Variants in SLC4A2 observed in about 807,000 individuals in gnomAD.
SLC4A2 encodes the protein solute carrier family 4 member 2.
A neutral mutation model predicts 115.0 loss-of-function variants in SLC4A2; 36 were observed. That is an observed-to-expected ratio of 0.31 (90% CI 0.24 to 0.41). The LOEUF is 0.41. Ranked by LOEUF, SLC4A2 falls within the 10% of genes least tolerant of loss-of-function variation. The pLI, the probability that SLC4A2 is intolerant of heterozygous loss-of-function variation, is 1.00. For missense variants in SLC4A2, 1,252 were observed against 1,705.6 expected (o/e 0.73, Z 4.68); for synonymous variants, 708 against 708.3 (o/e 1.00, Z 0.01).
rs775100452 is a variant in SLC4A2, at chr7:151,064,319, C to T, written c.169C>T (p.Arg57Cys). The change falls in exon 3 of 23, where the codon CGT becomes TGT. Residue 57 changes from arginine (R) to cysteine (C), a missense_variant. Around this residue, in one of 14 missense-constraint regions of SLC4A2, gnomAD observed 74 missense variants for 85.3 expected, o/e 0.87. Coordinates refer to ENST00000413384, the MANE Select transcript of SLC4A2 (RefSeq NM_003040.4). ...FEEILQEAGSRGGEEPGRSYG... is the reference protein window; with the variant it reads ...FEEILQEAGSCGGEEPGRSYG... The stretch of plus-strand genomic sequence containing the variant: ...GGAGATCCTACAGGAGGCCGGGTCT[C>T]GTGGAGGGGAGGAGCCAGGCCGCAG... The T allele has an allele frequency of 4.1e-5, 58 of 1,419,974 alleles. No homozygotes were observed. Among genetic ancestry groups the T allele is most frequent in the Admixed American group, 1.6e-4 (8 of 50,980 alleles). 88.0% of individuals were successfully genotyped at this position (1,419,974 alleles called of 1,614,324 possible).
In SLC4A2 at chr7:151,066,763, T is replaced by A; in HGVS notation, c.823+2T>A. 6.4e-7 allele frequency: 1 copy of A among 1,573,460 alleles called. No individual in the cohort carries two copies. Among genetic ancestry groups the A allele is most frequent in the Admixed American group, 1.9e-5 (1 of 53,860 alleles). On this transcript the variant is annotated splice_donor_variant, in intron 6 of 22. Coordinates refer to ENST00000413384, the MANE Select transcript of SLC4A2 (RefSeq NM_003040.4). LOFTEE classifies it high-confidence loss of function. ...CGGCCGACCTAGACCTCATGAAGAG[T>A]AAGTGCTGGGCCTTGGCCAAGCCCG... is the stretch of plus-strand genomic sequence containing the variant.
chr7:151,070,981 T>C, intron 12 of SLC4A2, 70 bp downstream of exon 12: 1 of 1,592,344 alleles, frequency 6.3e-7, no homozygotes, highest in Admixed American at 1.7e-5. Context: ...TCCCCATGAC[T>C]GCCTCCCACC....
chr7:151,061,387 C>T (rs376572106), intron 1 of SLC4A2: 2 of 152,488 alleles, frequency 1.3e-5, no homozygotes, highest in Non-Finnish European at 2.9e-5. Flanking sequence ...GGGGCACCCC[C>T]TCCCTGCAGG....
chr7:151,070,446 G>T lies in SLC4A2; in HGVS notation c.1450-11G>T. 1 of 1,611,454 alleles carries T rather than the reference G, an allele frequency of 6.2e-7. No individual in the cohort carries two copies. Among genetic ancestry groups the T allele is most frequent in the South Asian group, 1.1e-5 (1 of 90,892 alleles). On this transcript the variant is annotated splice_polypyrimidine_tract_variant and intron_variant, in intron 10 of 22. Coordinates refer to ENST00000413384, the MANE Select transcript of SLC4A2 (RefSeq NM_003040.4). ...GGCCTGGCTGGGCTGAGCCCTGTCT[G>T]TGTCCCCCAGCGTGAGCTGCCGCCT...
chr7:151,061,699 T>C, intron 1 of SLC4A2: 3 of 451,582 alleles, frequency 6.6e-6, no homozygotes, highest in Admixed American at 7.0e-5. Flanking sequence ...CTCCTCCCTC[T>C]ACTCAGCCTC....
In SLC4A2 at chr7:151,068,065, T is replaced by C; in HGVS notation, c.1147+11T>C. The C allele has an allele frequency of 6.9e-7, 1 of 1,458,274 alleles. No individual in the cohort carries two copies. Among genetic ancestry groups the C allele is most frequent in the Non-Finnish European group, 9.0e-7 (1 of 1,108,382 alleles). 90.3% of individuals were successfully genotyped at this position (1,458,274 alleles called of 1,614,324 possible). On this transcript the variant is annotated intron_variant, in intron 8 of 22. Transcript: ENST00000413384. ...GGACCCTGGCCCATGGTAACCCCGC[T>C]CCCCTCCACCTCCCGCCTGGCCAGT...
intron 4 of SLC4A2, 32 bp downstream of exon 4, chr7:151,064,799 G>A (rs766983889): frequency 1.4e-5 from 22 of 1,608,484 alleles, no homozygotes; most frequent in African/African-American, 8.0e-5. Context: ...AGGGCATGTC[G>A]GCAGGGCCCT....
chr7:151,068,245 T>C (rs1275279191), intron 8 of SLC4A2, among the ~76,000 whole-genome samples, 191 bp downstream of exon 8: 1 of 152,240 alleles, frequency 6.6e-6, no homozygotes, highest in Non-Finnish European at 1.5e-5. Context: ...CTGAAGCCGA[T>C]GTGTTTTGGT....
chr7:151,074,592 G>T, intron 18 of SLC4A2, 83 bp from the exon 19 acceptor site: 1 of 1,573,416 alleles, frequency 6.4e-7, no homozygotes. Context: ...GCTTAAGCCT[G>T]TCCTTAAGAT....
intron 11 of SLC4A2, 38 bp from the exon 12 acceptor site, chr7:151,070,689 C>G (rs1287181521): frequency 1.2e-6 from 2 of 1,608,572 alleles, no homozygotes; most frequent in Non-Finnish European, 1.7e-6. Context: ...GGCGGTCCTG[C>G]TGCTCTGCTC....
intron 16 of SLC4A2, 93 bp downstream of exon 16, chr7:151,072,229 G>C (rs1797465751): frequency 8.6e-7 from 1 of 1,159,724 alleles, no homozygotes; most frequent in African/African-American, 1.5e-5. Flanking sequence ...TTTGAGGCCA[G>C]GCTGGTCTGG....
In SLC4A2 at chr7:151,071,180, G is replaced by A. The variant is rs748227325; in HGVS notation, c.1858G>A (p.Glu620Lys). ...GCTGCCGCCTTCAGAAGTGCAGGGC[G>A]AGGAGCTGCTGCGCTCTGTGGCCCA... The part of the protein sequence containing the change: ...VVLPPSEVQG[E>K]ELLRSVAHFQ... The change falls in exon 13 of 23, where the codon GAG becomes AAG. Residue 620 changes from glutamate (E) to lysine (K), a missense_variant. This residue lies in a region of SLC4A2 where 87 missense variants were observed against 170.3 expected (regional missense o/e 0.51). Transcript: ENST00000413384. This position sits in a 1 kb window ranked among gnomAD's most constrained non-coding sequence, Gnocchi z 5.5. The A allele has an allele frequency of 5.6e-6, 9 of 1,610,688 alleles. No homozygotes were observed. Among genetic ancestry groups the A allele is most frequent in the South Asian group, 1.1e-5 (1 of 90,552 alleles).
At chr7:151,074,881 C>T (rs1352068113) in intron 19 of SLC4A2, 40 bp downstream of exon 19, 2 of 1,545,712 alleles carry the variant, frequency 1.3e-6, no homozygotes, top group Non-Finnish European at 1.7e-6. Context: ...AGGCCAGAGC[C>T]CCAGGCCAGG....
chr7:151,059,613 C>G lies in SLC4A2; in HGVS notation c.-213C>G, dbSNP rs1426069708. On this transcript the variant is annotated 5_prime_UTR_variant, in exon 1 of 23. Transcript: ENST00000413384. The surrounding 1 kb of genome is among the most constrained non-coding windows in gnomAD (Gnocchi z 5.8). ...CGCACGCAGGGGGCTGGCCTGCCCG[C>G]GGCGCGGGGGAAAGTTGAGTTGGGA... 1 of 151,294 alleles carries G rather than the reference C, an allele frequency of 6.6e-6. No individual in the cohort carries two copies. The highest frequency in any genetic ancestry group is 1.5e-5 in the Non-Finnish European group (1 of 67,716). The allele number at this position is 151,294 out of a possible 1,614,324, so 9.4% of individuals were successfully genotyped here.
At position 151,076,442 on chromosome 7, in the gene SLC4A2, C is replaced by T. The variant is rs1797650378; in HGVS notation, c.*75C>T. 1.9e-5 allele frequency: 21 copies of T among 1,132,724 alleles called. 1 individual carries two copies. In the South Asian group the frequency reaches 3.6e-4, roughly 19 times the overall value. The allele number at this position is 1,132,724 out of a possible 1,614,324, so 70.2% of individuals were successfully genotyped here. ...TGGGATGGGGTTCCCCCTCCCATGCCCCTCCCTCCTTTTTATTTAAGTGAA... is the reference window on the plus strand; with the variant it reads ...TGGGATGGGGTTCCCCCTCCCATGCTCCTCCCTCCTTTTTATTTAAGTGAA... On this transcript the variant is annotated 3_prime_UTR_variant, in exon 23 of 23. Transcript: ENST00000413384.
rs182361322 is a variant in SLC4A2, at chr7:151,061,867, G to A, written c.-63-58G>A. On this transcript the variant is annotated intron_variant, in intron 1 of 22. Coordinates refer to ENST00000413384, the MANE Select transcript of SLC4A2 (RefSeq NM_003040.4). Reference sequence around the variant, plus strand: ...GGATCCCCAGCAGCGCAGCCTGCGCGTGGTGGCTCCTGCCCTCCCAGGGCT... The same window carrying A: ...GGATCCCCAGCAGCGCAGCCTGCGCATGGTGGCTCCTGCCCTCCCAGGGCT... 8 of 868,228 alleles carry A rather than the reference G, an allele frequency of 9.2e-6. No homozygotes were observed. In the East Asian group the frequency reaches 1.3e-4, roughly 14 times the overall value. 53.8% of individuals were successfully genotyped at this position (868,228 alleles called of 1,614,324 possible).
rs1584994762 is a variant in SLC4A2, at chr7:151,071,271, T to C, written c.1949T>C (p.Leu650Pro). Residue 650 changes from leucine to proline, a missense_variant, in exon 13 of 23, where the codon CTG (leucine) becomes CCG (proline). Leu to Pro is a moderately conservative substitution (Grantham distance 98). Coordinates refer to ENST00000413384, the MANE Select transcript of SLC4A2 (RefSeq NM_003040.4). The surrounding 1 kb of genome is among the most constrained non-coding windows in gnomAD (Gnocchi z 5.5). ...QGRLLPTGAG[L>P]EPKSAQDKAL... ...CGGCTGCTACCTACAGGGGCTGGGCTGGAGCCCAAATCTGCCCAAGATAAG... is the reference window on the plus strand; with the variant it reads ...CGGCTGCTACCTACAGGGGCTGGGCCGGAGCCCAAATCTGCCCAAGATAAG... 5 of 1,560,246 alleles carry C rather than the reference T, an allele frequency of 3.2e-6. No homozygotes were observed. In the East Asian group the frequency reaches 1.2e-4, roughly 38 times the overall value.
rs1314444124 is a variant in SLC4A2 at position 151,067,935 on chromosome 7, C to T, written c.1028C>T (p.Thr343Ile). ...DKNQEPQWRE[T>I]ARWIKFEEDV... is the part of the protein sequence containing the mutation. ...AACCAGGAGCCCCAGTGGCGGGAGACAGCTCGCTGGATCAAATTTGAAGAG... is the reference window on the plus strand; with the variant it reads ...AACCAGGAGCCCCAGTGGCGGGAGATAGCTCGCTGGATCAAATTTGAAGAG... Residue 343 changes from threonine (T) to isoleucine (I), a missense_variant, in exon 8 of 23, where the codon ACA becomes ATA. Around this residue, in one of 14 missense-constraint regions of SLC4A2, gnomAD observed 29 missense variants for 80.9 expected, o/e 0.36. Transcript: ENST00000413384. 1 of 1,611,274 alleles carries T rather than the reference C, an allele frequency of 6.2e-7. No individual in the cohort carries two copies.
intron 16 of SLC4A2, among the ~76,000 whole-genome samples, chr7:151,073,163 T>C (rs1797497573): frequency 6.6e-6 from 1 of 152,182 alleles, no homozygotes; most frequent in Non-Finnish European, 1.5e-5. Context: ...CCCAGGCTTG[T>C]CTGGAACTCT....
Sources: allele counts gnomAD v4.1 joint callset (sites outside exome capture counted in the v4.1 genomes callset), GRCh38; gene constraint gnomAD v4.1.1; regional missense constraint gnomAD v4.1.1; non-coding constraint Gnocchi (gnomAD v3.1); transcripts MANE v1.5; gene names NCBI Gene and HGNC (gene_info 2026-07-23, HGNC 2026-07-21).